TAS1R2: variants seen among roughly 807,000 people sequenced by gnomAD.
TAS1R2 encodes the protein taste 1 receptor member 2.
A neutral mutation model predicts 49.3 loss-of-function variants in TAS1R2; 47 were observed. The ratio of observed to expected loss-of-function variants is 0.95; its 90% CI spans 0.75 to 1.22. TAS1R2 has a LOEUF of 1.22. Ranked by LOEUF, TAS1R2 falls within the 50% of genes most tolerant of loss-of-function variation. The pLI is 0.00. For synonymous variants in TAS1R2, 479 were observed against 467.9 expected, an observed-to-expected ratio of 1.02 and a Z score of -0.31; for missense variants, 1,155 against 1,122.1, an observed-to-expected ratio of 1.03 and a Z score of -0.42.
At chr1:18,851,335 G>GTT (rs112805403) in intron 3 of TAS1R2, among the ~76,000 whole-genome samples, 1 of 150,876 alleles carries the variant, frequency 6.6e-6, no homozygotes, top group Non-Finnish European at 1.5e-5. Flanking sequence ...ATTTTGTTTT[G>GTT]CTTTTTTTTT....
chr1:18,849,098 C>T (rs558203281), intron 4 of TAS1R2, among the ~76,000 whole-genome samples: 24 of 152,224 alleles, frequency 1.6e-4, no homozygotes, highest in Non-Finnish European at 2.6e-4. Flanking sequence ...ACAAAGTGAA[C>T]GTTTACCTTG....
chr1:18,845,918 A>C (rs1469990443), intron 4 of TAS1R2, among the ~76,000 whole-genome samples: 1 of 152,184 alleles, frequency 6.6e-6, no homozygotes, highest in Non-Finnish European at 1.5e-5. Context: ...CAGAAGAGAG[A>C]GATGAATATC....
chr1:18,840,776 G>A (rs909781223), intron 5 of TAS1R2, among the ~76,000 whole-genome samples: 3 of 152,226 alleles, frequency 2.0e-5, no homozygotes, highest in Non-Finnish European at 4.4e-5. Context: ...GTAAGTTAGA[G>A]AGGCAGGACT....
Position 18,854,745 on chromosome 1 carries a change from G to A in TAS1R2, c.725C>T (p.Thr242Ile). 1 of 1,611,522 alleles carries A rather than the reference G, an allele frequency of 6.2e-7. No homozygotes were observed. The highest frequency in any genetic ancestry group is 1.1e-5 in the South Asian group (1 of 90,944). Reference sequence around the variant, plus strand: ...CGTCATGTTCTGGTTGGGCTGCAGTGTGGGCAGCGTCTCCTGGAAGGCGAT... The same window carrying A: ...CGTCATGTTCTGGTTGGGCTGCAGTATGGGCAGCGTCTCCTGGAAGGCGAT... The change falls in exon 3 of 6, where the codon ACA (threonine) becomes ATA (isoleucine). Residue 242 changes from threonine (T) to isoleucine (I), a missense_variant. Thr to Ile is a moderately conservative substitution (Grantham distance 89, BLOSUM62 -1). Transcript: ENST00000375371. This position sits in a 1 kb window ranked among gnomAD's most constrained non-coding sequence, Gnocchi z 4.9.
At chr1:18,841,981 G>GTC in intron 4 of TAS1R2, 129 bp from the exon 5 acceptor site, 2 of 361,512 alleles carry the variant, frequency 5.5e-6, no homozygotes, top group Non-Finnish European at 8.3e-6. Flanking sequence ...GGTGGAAACT[G>GTC]TAGAAAAAAA....
intron 4 of TAS1R2, among the ~76,000 whole-genome samples, chr1:18,845,123 T>C (rs1933893376): frequency 6.6e-6 from 1 of 152,188 alleles, no homozygotes; most frequent in Non-Finnish European, 1.5e-5. Flanking sequence ...TCTGGGGGCT[T>C]ACAGAGCAAA....
At position 18,854,573 on chromosome 1, in the gene TAS1R2, G is replaced by A. The variant is rs753512335; in HGVS notation, c.897C>T (p.Ile299=). Residue 299 remains isoleucine (I), a synonymous_variant, in exon 3 of 6, where the codon ATC becomes ATT. Transcript: ENST00000375371. The surrounding 1 kb of genome is among the most constrained non-coding windows in gnomAD (Gnocchi z 4.9). ...GGTCGATGGCCCAGGACTCGGAGGC[G>A]ATCCACACGGCGCCAGTGAAGTTCT... is the stretch of plus-strand genomic sequence containing the variant. The A allele has an allele frequency of 3.8e-5, 61 of 1,613,788 alleles. No homozygotes were observed. Among genetic ancestry groups the A allele is most frequent in the South Asian group, 8.8e-5 (8 of 91,090 alleles).
Position 18,854,771 on chromosome 1 carries a change from G to T in TAS1R2, c.699C>A (p.Cys233Ter). 6.2e-7 allele frequency: 1 copy of T among 1,608,140 alleles called. No homozygotes were observed. Among genetic ancestry groups the T allele is most frequent in the South Asian group, 1.1e-5 (1 of 90,798 alleles). ...TGGGCAGCGTCTCCTGGAAGGCGAT[G>T]CAGATGTCGCGCCGGGCCACGCGCT... The change falls in exon 3 of 6, where the codon TGC (cysteine) becomes TGA (stop). Residue 233 changes from cysteine (C) to a stop codon, truncating the protein, a stop_gained. Transcript: ENST00000375371. LOFTEE classifies it high-confidence loss of function. The surrounding 1 kb of genome is among the most constrained non-coding windows in gnomAD (Gnocchi z 4.9).
chr1:18,851,765 C>T (rs868234184), intron 3 of TAS1R2, among the ~76,000 whole-genome samples: 25 of 152,190 alleles, frequency 1.6e-4, no homozygotes, highest in Admixed American at 7.9e-4. Flanking sequence ...CTCTTCTCAT[C>T]GCCCCTGAGT....
At chr1:18,845,257 G>C (rs934059417) in intron 4 of TAS1R2, among the ~76,000 whole-genome samples, 1 of 152,188 alleles carries the variant, frequency 6.6e-6, no homozygotes, top group African/African-American at 2.4e-5. Context: ...TTACCCAGAA[G>C]TATCCTATCT....
chr1:18,854,410 T>C lies in TAS1R2; in HGVS notation c.1060A>G (p.Ser354Gly), dbSNP rs1217780092. ...TCCTGGTTGCAGGTATAGCTCTGGC[T>C]GGTCCTGCTGAGGGGTGGCGGCCCA... The change falls in exon 3 of 6, where the codon AGC (serine) becomes GGC (glycine). Residue 354 changes from serine to glycine, a missense_variant. Coordinates refer to ENST00000375371, the Ensembl canonical transcript of TAS1R2. The surrounding 1 kb of genome is among the most constrained non-coding windows in gnomAD (Gnocchi z 4.9). The C allele has an allele frequency of 6.2e-7, 1 of 1,614,018 alleles. No individual in the cohort carries two copies. Among genetic ancestry groups the C allele is most frequent in the South Asian group, 1.1e-5 (1 of 91,056 alleles).
Position 18,854,200 on chromosome 1 carries a change from GCCACCC to G in TAS1R2, c.1257+7_1257+12del, listed in dbSNP as rs777557303. 1 of 1,609,354 alleles carries G rather than the reference GCCACCC, an allele frequency of 6.2e-7. No individual in the cohort carries two copies. Among genetic ancestry groups the G allele is most frequent in the South Asian group, 1.1e-5 (1 of 90,704 alleles). On this transcript the variant is annotated splice_region_variant and intron_variant, in intron 3 of 5. Coordinates refer to ENST00000375371, the Ensembl canonical transcript of TAS1R2. The surrounding 1 kb of genome is among the most constrained non-coding windows in gnomAD (Gnocchi z 4.9). ...GAGGTGCCCTGCAGACTCTATGGCAGCCACCCCCTCACCTGCCAGGGGTAGACCACC... is the reference window on the plus strand; with the variant it reads ...GAGGTGCCCTGCAGACTCTATGGCAGCCTCACCTGCCAGGGGTAGACCACC...
chr1:18,846,572 C>G (rs1191832670), intron 4 of TAS1R2, among the ~76,000 whole-genome samples: 1 of 152,196 alleles, frequency 6.6e-6, no homozygotes, highest in Non-Finnish European at 1.5e-5. Context: ...TGCTTAAAGT[C>G]CTAGTCCCCA....
In TAS1R2 at chr1:18,840,533, A is replaced by G. The variant is rs747512588; in HGVS notation, c.1592-6T>C. The G allele has an allele frequency of 1.5e-5, 25 of 1,614,062 alleles. No homozygotes were observed. The highest frequency in any genetic ancestry group is 1.7e-5 in the Admixed American group (1 of 60,008). On this transcript the variant is annotated splice_region_variant and splice_polypyrimidine_tract_variant and intron_variant, in intron 5 of 5. Transcript: ENST00000375371. ...GGCCTGGCATTCATATTCATCTGCA[A>G]AAGCCACAGCGACTCCCATTAGCCA...
chr1:18,839,639 A>C, exon 6 of TAS1R2: 1 of 1,598,328 alleles, frequency 6.3e-7, no homozygotes, highest in Non-Finnish European at 8.5e-7. Context: ...CATGCTGTTG[A>C]AGTAGGCGGG....
intron 4 of TAS1R2, among the ~76,000 whole-genome samples, chr1:18,842,879 C>T (rs1009792005): frequency 1.3e-5 from 2 of 151,868 alleles, no homozygotes; most frequent in Admixed American, 6.6e-5. Context: ...CACAAAAATG[C>T]GAATATACTT....
chr1:18,856,481 A>G (rs918213570), intron 2 of TAS1R2, among the ~76,000 whole-genome samples: 2 of 152,162 alleles, frequency 1.3e-5, no homozygotes, highest in African/African-American at 4.8e-5. Context: ...AACATCCTGC[A>G]TCACCTATTA....
At chr1:18,839,613 T>C (rs779049024) in exon 6 of TAS1R2, 2 of 1,595,606 alleles carry the variant, frequency 1.3e-6, no homozygotes, top group East Asian at 2.3e-5. Flanking sequence ...TCCCTCCTCA[T>C]GGTGTAGCCC....
intron 3 of TAS1R2, among the ~76,000 whole-genome samples, chr1:18,853,970 G>T (rs571082138): frequency 6.6e-6 from 1 of 152,302 alleles, no homozygotes; most frequent in African/African-American, 2.4e-5. Context: ...GGGCGCTGCC[G>T]TTCCCACTGC....
Sources: allele counts gnomAD v4.1 joint callset (sites outside exome capture counted in the v4.1 genomes callset), GRCh38; gene constraint gnomAD v4.1.1; non-coding constraint Gnocchi (gnomAD v3.1); transcripts MANE v1.5; gene names NCBI Gene and HGNC (gene_info 2026-07-23, HGNC 2026-07-21).